Variants in NEGR1 observed in about 807,000 individuals in gnomAD.
The protein encoded by NEGR1 is neuronal growth regulator 1.
Under a neutral mutation model 40.9 loss-of-function variants are expected in NEGR1, and 10 were observed. That is an observed-to-expected ratio of 0.24 (90% CI 0.15 to 0.42). The LOEUF (loss-of-function observed/expected upper bound fraction) is 0.42, where lower values mean the gene tolerates loss of function less well. Among genes scored for constraint, NEGR1 ranks in the 10% least tolerant of loss-of-function variants. NEGR1 has a pLI of 1.00. For missense variants in NEGR1, 352 were observed against 438.9 expected, an observed-to-expected ratio of 0.80 and a Z score of 1.77; for synonymous variants, 185 against 166.8, an observed-to-expected ratio of 1.11 and a Z score of -0.84.
intron 6 of NEGR1, among the ~76,000 whole-genome samples, chr1:71,492,283 C>G (rs947985051): frequency 6.6e-6 from 1 of 152,020 alleles, no homozygotes; most frequent in African/African-American, 2.4e-5. Flanking sequence ...GCCTGTCTGC[C>G]TCTGTTAAGT....
chr1:71,433,667 A>C (rs1646484139), intron 6 of NEGR1, among the ~76,000 whole-genome samples: 1 of 152,230 alleles, frequency 6.6e-6, no homozygotes, highest in Non-Finnish European at 1.5e-5. Flanking sequence ...CACTACCACG[A>C]GAACAGTATG....
chr1:71,633,114 G>C (rs1285563205), intron 4 of NEGR1, among the ~76,000 whole-genome samples: 2 of 151,928 alleles, frequency 1.3e-5, no homozygotes, highest in African/African-American at 4.8e-5. Context: ...TATTTTGTTT[G>C]TGCTAATTTA....
rs57359688 is a variant in NEGR1, at chr1:71,782,991, A to AT, written c.410-6695dup. ...TAGTCCCATGTGAGTTGGTCTCAGT[A>AT]TTTTTTTTTTTTTACTTTTGGATCT... is the stretch of plus-strand genomic sequence containing the variant. On this transcript the variant is annotated intron_variant, in intron 2 of 6. Transcript: ENST00000357731. Among the ~76,000 whole-genome samples the AT allele has an allele frequency of 6.6e-3, 973 of 146,526 alleles. 9 individuals carry two copies. The highest frequency in any genetic ancestry group is 0.015 in the African/African-American group (592 of 40,298).
chr1:72,110,669 T>A (rs60265072), intron 1 of NEGR1, among the ~76,000 whole-genome samples: 64 of 151,744 alleles, frequency 4.2e-4, no homozygotes, highest in African/African-American at 1.4e-3. Context: ...TTCCATTAAT[T>A]TTGAAATTTA....
intron 1 of NEGR1, among the ~76,000 whole-genome samples, chr1:72,052,442 G>A (rs944446217): frequency 6.6e-6 from 1 of 151,408 alleles, no homozygotes; most frequent in Admixed American, 6.6e-5. Flanking sequence ...TGGTGTTTTA[G>A]AAAATAGTTA....
intron 6 of NEGR1, chr1:71,463,307 A>G (rs1248935166): frequency 3.9e-5 from 6 of 152,126 alleles, no homozygotes; most frequent in Non-Finnish European, 5.9e-5. Flanking sequence ...TAGGGAGATA[A>G]CTACATTCTT....
intron 3 of NEGR1, among the ~76,000 whole-genome samples, chr1:71,720,081 C>T (rs1654454281): frequency 6.6e-6 from 1 of 152,054 alleles, no homozygotes; most frequent in African/African-American, 2.4e-5. Context: ...TACCAAACAA[C>T]TACAAGAAGG....
intron 1 of NEGR1, among the ~76,000 whole-genome samples, chr1:71,979,391 T>TA (rs1238852757): frequency 6.6e-6 from 1 of 151,904 alleles, no homozygotes; most frequent in African/African-American, 2.4e-5. Flanking sequence ...GAAGAAAAAG[T>TA]AAAAAAGAAA....
chr1:72,113,223 T>C (rs1212921769), intron 1 of NEGR1, among the ~76,000 whole-genome samples: 1 of 151,674 alleles, frequency 6.6e-6, no homozygotes, highest in Non-Finnish European at 1.5e-5. Flanking sequence ...GTCTTGGTGC[T>C]ACATGAGACT....
chr1:71,661,005 C>A (rs1027578944), intron 4 of NEGR1, among the ~76,000 whole-genome samples: 1 of 152,186 alleles, frequency 6.6e-6, no homozygotes, highest in African/African-American at 2.4e-5. Flanking sequence ...CCAGCTTCAT[C>A]CATGTCCCTG....
At position 72,272,589 on chromosome 1, in the gene NEGR1, TA is replaced by T. The variant is rs551321976; in HGVS notation, c.176+9729del. 1.5e-3 allele frequency among the ~76,000 whole-genome samples: 233 copies of T among 152,066 alleles called. 2 individuals carry two copies. The highest frequency in any genetic ancestry group is 0.01 in the Middle Eastern group (3 of 294). Reference sequence around the variant, plus strand: ...TATCTCTTAAATTCATTAATACCTCTAAATTTAACTTAGTTGCATGAAAAGA... The same window carrying T: ...TATCTCTTAAATTCATTAATACCTCTAATTTAACTTAGTTGCATGAAAAGA... On this transcript the variant is annotated intron_variant, in intron 1 of 6. Coordinates refer to ENST00000357731, the MANE Select transcript of NEGR1 (RefSeq NM_173808.3).
At chr1:71,908,937 T>C (rs1322866236) in intron 2 of NEGR1, among the ~76,000 whole-genome samples, 1 of 152,226 alleles carries the variant, frequency 6.6e-6, no homozygotes, top group Non-Finnish European at 1.5e-5. Flanking sequence ...TTTTCCCTTA[T>C]TTCTTAAATA....
intron 3 of NEGR1, among the ~76,000 whole-genome samples, chr1:71,751,150 CA>C (rs1296702809): frequency 2.0e-5 from 3 of 151,612 alleles, no homozygotes; most frequent in African/African-American, 7.3e-5. Flanking sequence ...GAGTAATATC[CA>C]ATATGACTGA....
chr1:72,114,713 C>T (rs558239690), intron 1 of NEGR1, among the ~76,000 whole-genome samples: 7 of 151,638 alleles, frequency 4.6e-5, no homozygotes, highest in South Asian at 2.1e-4. Flanking sequence ...GAACACATTC[C>T]GGAAACCCTA....
At chr1:71,799,152 G>C (rs956773119) in intron 2 of NEGR1, among the ~76,000 whole-genome samples, 11 of 151,466 alleles carry the variant, frequency 7.3e-5, no homozygotes, top group Non-Finnish European at 1.5e-4. Context: ...CCATCAACCC[G>C]TCATCTACAT....
chr1:72,136,652 A>G (rs1650475995), intron 1 of NEGR1, among the ~76,000 whole-genome samples: 2 of 151,436 alleles, frequency 1.3e-5, no homozygotes, highest in Non-Finnish European at 2.9e-5. Flanking sequence ...GTCCAAAAAA[A>G]AAGGCAAAAA....
intron 3 of NEGR1, among the ~76,000 whole-genome samples, chr1:71,762,270 C>T (rs1289598813): frequency 7.6e-6 from 1 of 132,348 alleles, no homozygotes; most frequent in Non-Finnish European, 1.6e-5. Flanking sequence ...AAATGAGAGG[C>T]AACAAACAGA....
At chr1:71,949,816 CTT>C (rs1646053183) in intron 1 of NEGR1, among the ~76,000 whole-genome samples, 1 of 152,046 alleles carries the variant, frequency 6.6e-6, no homozygotes, top group Non-Finnish European at 1.5e-5. Context: ...TTAAAAATAA[CTT>C]AGTGATACTA....
At chr1:72,251,096 G>C (rs770971146) in intron 1 of NEGR1, among the ~76,000 whole-genome samples, 3 of 152,182 alleles carry the variant, frequency 2.0e-5, no homozygotes, top group Non-Finnish European at 4.4e-5. Flanking sequence ...AATAGAAAAT[G>C]TGTGGGGAGA....
Sources: gnomAD v4.1 joint callset for allele counts (sites outside exome capture counted in the v4.1 genomes callset) on GRCh38, gnomAD v4.1.1 for gene constraint, MANE v1.5 for transcripts, NCBI Gene and HGNC (gene_info 2026-07-23, HGNC 2026-07-21) for gene names.